The following REEP6 variants were observed in gnomAD, a reference collection of about 807,000 sequenced individuals.
The protein encoded by REEP6 is receptor expression-enhancing protein 6.
A neutral mutation model predicts 22.4 loss-of-function variants in REEP6; 19 were observed. The ratio of observed to expected loss-of-function variants is 0.85; its 90% CI spans 0.59 to 1.25. The LOEUF (loss-of-function observed/expected upper bound fraction) is 1.25, where lower values mean the gene tolerates loss of function less well. Ranked by LOEUF, REEP6 falls within the 50% of genes most tolerant of loss-of-function variation. REEP6 has a pLI of 0.00. For synonymous variants in REEP6, 121 were observed against 113.6 expected, an observed-to-expected ratio of 1.06 and a Z score of -0.41; for missense variants, 273 against 251.9, an observed-to-expected ratio of 1.08 and a Z score of -0.57.
intron 1 of REEP6, among the ~76,000 whole-genome samples, chr19:1,494,443 A>G (rs971554282): frequency 2.0e-5 from 3 of 152,154 alleles, no homozygotes; most frequent in Non-Finnish European, 2.9e-5. Context: ...TGCAGTGTCC[A>G]GGACAGCCAC....
chr19:1,496,719 C>T (rs10414511), intron 4 of REEP6: 20,717 of 238,724 alleles, frequency 0.087, 1,922 homozygotes, highest in African/African-American at 0.43. Context: ...TGTGTGTGTG[C>T]GCGCGCGCGC....
intron 1 of REEP6, among the ~76,000 whole-genome samples, chr19:1,492,438 A>T (rs952191353): frequency 2.0e-5 from 3 of 151,856 alleles, no homozygotes; most frequent in Non-Finnish European, 4.4e-5. Context: ...AAAACTTTTT[A>T]AAATTAACTT....
intron 2 of REEP6, 24 bp downstream of exon 2, chr19:1,495,411 C>T (rs373619343): frequency 1.3e-4 from 214 of 1,613,680 alleles, no homozygotes; most frequent in Non-Finnish European, 1.7e-4. Flanking sequence ...TGGCTGCCCA[C>T]GCGGGGGGTT....
chr19:1,494,429 AC>A (rs1376519315), intron 1 of REEP6, among the ~76,000 whole-genome samples: 2 of 152,152 alleles, frequency 1.3e-5, no homozygotes. Context: ...ACTGCTCAGC[AC>A]CCTGCAGTGT....
intron 4 of REEP6, 64 bp downstream of exon 4, chr19:1,496,517 A>G: frequency 6.4e-7 from 1 of 1,565,006 alleles, no homozygotes; most frequent in Non-Finnish European, 8.7e-7. Context: ...GTCTCTCTCC[A>G]CCTTGCCTCC....
chr19:1,492,633 G>A lies in REEP6; in HGVS notation c.115+1249G>A, dbSNP rs1056543133. Among the ~76,000 whole-genome samples, 3 of 152,074 alleles carry A rather than the reference G, an allele frequency of 2.0e-5. No individual in the cohort carries two copies. In the South Asian group the frequency reaches 6.2e-4, roughly 31 times the overall value. On this transcript the variant is annotated intron_variant, in intron 1 of 4. Coordinates refer to ENST00000233596, the MANE Select transcript of REEP6 (RefSeq NM_138393.4). ...TCTGCCTTCTCTTCCAGGAAGCTCC[G>A]CAGAATGACTCACAAGGACTTGCTC... is the stretch of plus-strand genomic sequence containing the variant.
chr19:1,496,482 C>G lies in REEP6; in HGVS notation c.517+29C>G, dbSNP rs369858641. The G allele has an allele frequency of 9.3e-6, 15 of 1,604,572 alleles. No individual in the cohort carries two copies. The African/African-American group carries it at 1.7e-4, about 19-fold the overall frequency. On this transcript the variant is annotated intron_variant, in intron 4 of 4. Coordinates refer to ENST00000233596, the MANE Select transcript of REEP6 (RefSeq NM_138393.4). ...GGTGCTCGCAGGCGCCTGGCTGCCT[C>G]AGGCCATCTCCCGGGTCTGGACCTG...
At chr19:1,495,794 C>G in intron 3 of REEP6, 187 bp downstream of exon 3, 1 of 730,374 alleles carries the variant, frequency 1.4e-6, no homozygotes, top group Non-Finnish European at 2.2e-6. Flanking sequence ...TGAAGGGTGT[C>G]TGATGGTGGA....
chr19:1,496,545 C>A, intron 4 of REEP6, 92 bp downstream of exon 4: 1 of 1,404,436 alleles, frequency 7.1e-7, no homozygotes, highest in Non-Finnish European at 9.9e-7. Context: ...ACTTTGGCCG[C>A]CCCCTCTCAC....
At chr19:1,492,568 G>A (rs2084972698) in intron 1 of REEP6, among the ~76,000 whole-genome samples, 1 of 152,130 alleles carries the variant, frequency 6.6e-6, no homozygotes, top group Non-Finnish European at 1.5e-5. Context: ...ACTGCACCCA[G>A]CCTTTCTTCC....
In REEP6 at chr19:1,496,437, C is replaced by T. The variant is rs371319996; in HGVS notation, c.501C>T (p.Ala167=). The change falls in exon 4 of 5, where the codon GCC becomes GCT. Residue 167 remains alanine (A), a synonymous_variant. Transcript: ENST00000233596. ...DLSGRALDAA[A]GITRNVKPSQ... is the part of the protein sequence containing the mutation. ...GCGGGCGAGCCCTGGACGCGGCGGCCGGAATAACCAGGAACGGTGGGTGCT... is the reference window on the plus strand; with the variant it reads ...GCGGGCGAGCCCTGGACGCGGCGGCTGGAATAACCAGGAACGGTGGGTGCT... The T allele has an allele frequency of 1.4e-5, 23 of 1,612,300 alleles. No individual in the cohort carries two copies. The African/African-American group carries it at 2.1e-4, about 15-fold the overall frequency.
rs771090915 is a variant in REEP6, at chr19:1,495,600, T to C, written c.341T>C (p.Val114Ala). ...LLLSWFPFYY[V>A]GKCAFLLFCM... is the part of the protein sequence containing the mutation. The stretch of plus-strand genomic sequence containing the variant: ...CTGTCCTGGTTCCCTTTCTACTACG[T>C]GGGCAAGGTGGGCCCTGCCAGGGCG... Residue 114 changes from valine to alanine, a missense_variant, in exon 3 of 5, where the codon GTG becomes GCG. Transcript: ENST00000233596. 6.2e-7 allele frequency: 1 copy of C among 1,614,006 alleles called. No individual in the cohort carries two copies. The highest frequency in any genetic ancestry group is 1.7e-5 in the Admixed American group (1 of 60,030).
chr19:1,496,321 T>C lies in REEP6; in HGVS notation c.385T>C (p.Trp129Arg). The change falls in exon 4 of 5, where the codon TGG becomes CGG. Residue 129 changes from tryptophan to arginine, a missense_variant. Transcript: ENST00000233596. ...FLLFCMAPRP[W>R]NGALMLYQRV... ...GTTGTTCTGCATGGCTCCCAGGCCC[T>C]GGAACGGGGCTCTCATGCTGTATCA... The C allele has an allele frequency of 6.2e-7, 1 of 1,611,740 alleles. No homozygotes were observed. Among genetic ancestry groups the C allele is most frequent in the South Asian group, 1.1e-5 (1 of 91,054 alleles).
intron 4 of REEP6, 94 bp downstream of exon 4, chr19:1,496,547 C>A: frequency 7.2e-7 from 1 of 1,393,232 alleles, no homozygotes; most frequent in Non-Finnish European, 1.0e-6. Context: ...TTTGGCCGCC[C>A]CCTCTCACTG....
At chr19:1,496,507 GTC>G in intron 4 of REEP6, 54 bp downstream of exon 4, 1 of 1,587,718 alleles carries the variant, frequency 6.3e-7, no homozygotes, top group East Asian at 2.3e-5. Context: ...GTCTGGACCT[GTC>G]TCTCTCCACC....
At position 1,496,281 on chromosome 19, in the gene REEP6, G is replaced by T. The variant is rs756956302; in HGVS notation, c.349-4G>T. The T allele has an allele frequency of 9.4e-6, 15 of 1,601,660 alleles. No homozygotes were observed. The highest frequency in any genetic ancestry group is 1.3e-5 in the Non-Finnish European group (15 of 1,173,110). On this transcript the variant is annotated splice_region_variant and splice_polypyrimidine_tract_variant and intron_variant, in intron 3 of 4. Coordinates refer to ENST00000233596, the MANE Select transcript of REEP6 (RefSeq NM_138393.4). Reference sequence around the variant, plus strand: ...CCGCGTGTAACTCCTGCCCCGCCCTGCAGTGCGCCTTCCTGTTGTTCTGCA... The same window carrying T: ...CCGCGTGTAACTCCTGCCCCGCCCTTCAGTGCGCCTTCCTGTTGTTCTGCA...
chr19:1,491,334 T>G lies in REEP6; in HGVS notation c.65T>G (p.Leu22Arg). 6.8e-7 allele frequency: 1 copy of G among 1,481,098 alleles called. No homozygotes were observed. 91.7% of individuals were successfully genotyped at this position (1,481,098 alleles called of 1,614,324 possible). A position where few individuals can be genotyped will look rare whatever the true frequency, so the allele number is the denominator to read the frequency against. Residue 22 changes from leucine to arginine, a missense_variant, in exon 1 of 5, where the codon CTG becomes CGG. Leu to Arg is a moderately radical substitution (Grantham distance 102). Coordinates refer to ENST00000233596, the MANE Select transcript of REEP6 (RefSeq NM_138393.4). The surrounding 1 kb of genome is among the most constrained non-coding windows in gnomAD (Gnocchi z 5.4). ...CAAAGGAACCTGGTCACCGAAGTGC[T>G]GGGGGCGCTGGAGGCCAAGACCGGG... ...LEQRNLVTEV[L>R]GALEAKTGVE...
In REEP6 at chr19:1,497,162, CT is replaced by C. The variant is rs1398951549; in HGVS notation, c.518-11del. Reference sequence around the variant, plus strand: ...CCTCACGGCCCTCCCCCACCCGCCCCTCTCTCTGCAGTCAAGCCAAGCCAGA... The same window carrying C: ...CCTCACGGCCCTCCCCCACCCGCCCCCTCTCTGCAGTCAAGCCAAGCCAGA... On this transcript the variant is annotated splice_polypyrimidine_tract_variant and intron_variant, in intron 4 of 4. Transcript: ENST00000233596. This position sits in a 1 kb window ranked among gnomAD's most constrained non-coding sequence, Gnocchi z 6.5. 12 of 1,440,456 alleles carry C rather than the reference CT, an allele frequency of 8.3e-6. No homozygotes were observed. In the East Asian group the frequency reaches 1.5e-4, roughly 18 times the overall value. The allele number at this position is 1,440,456 out of a possible 1,614,324, so 89.2% of individuals were successfully genotyped here. A position where few individuals can be genotyped will look rare whatever the true frequency, so the allele number is the denominator to read the frequency against.
intron 1 of REEP6, among the ~76,000 whole-genome samples, chr19:1,492,803 T>C (rs2084976830): frequency 6.6e-6 from 1 of 152,184 alleles, no homozygotes; most frequent in Non-Finnish European, 1.5e-5. Context: ...CTGAAGTCTG[T>C]GCCCACACCC....
Sources: allele counts gnomAD v4.1 joint callset (sites outside exome capture counted in the v4.1 genomes callset), GRCh38; gene constraint gnomAD v4.1.1; non-coding constraint Gnocchi (gnomAD v3.1); transcripts MANE v1.5; gene names NCBI Gene and HGNC (gene_info 2026-07-23, HGNC 2026-07-21).